RGL1: variants seen among roughly 807,000 people sequenced by gnomAD.
RGL1 encodes the protein ral guanine nucleotide dissociation stimulator like 1.
In RGL1, 24 loss-of-function variants were observed where a neutral mutation model predicts 95.2. That is an observed-to-expected ratio of 0.25 (90% CI 0.18 to 0.35). RGL1 has a LOEUF of 0.35. Ranked by LOEUF, RGL1 falls within the 10% of genes least tolerant of loss-of-function variation. The pLI is 1.00. For missense variants in RGL1, 715 were observed against 936.3 expected (o/e 0.76, Z 3.08); for synonymous variants, 329 against 344.9 (o/e 0.95, Z 0.51).
intron 1 of RGL1, among the ~76,000 whole-genome samples, chr1:183,735,381 T>C (rs1656877042): frequency 6.6e-6 from 1 of 152,222 alleles, no homozygotes. Context: ...CTTAATTCCT[T>C]CTTCCAGTAC....
intron 1 of RGL1, among the ~76,000 whole-genome samples, chr1:183,642,496 T>TA (rs1437134923): frequency 2.0e-5 from 3 of 152,252 alleles, no homozygotes; most frequent in Non-Finnish European, 4.4e-5. Flanking sequence ...TTATAATACT[T>TA]ACTTTTTTCT....
intron 1 of RGL1, among the ~76,000 whole-genome samples, chr1:183,674,723 T>G (rs1404700763): frequency 1.3e-5 from 2 of 152,156 alleles, no homozygotes; most frequent in Non-Finnish European, 2.9e-5. Context: ...GAGGCAAGAG[T>G]GCATTATGTA....
intron 2 of RGL1, among the ~76,000 whole-genome samples, chr1:183,750,232 A>G (rs931500599): frequency 6.6e-6 from 1 of 152,120 alleles, no homozygotes; most frequent in Non-Finnish European, 1.5e-5. Context: ...ACATAGTTCC[A>G]TATTCTTTGG....
chr1:183,833,129 T>G (rs115736217), intron 2 of RGL1, among the ~76,000 whole-genome samples: 2,291 of 152,284 alleles, frequency 0.015, 44 homozygotes, highest in African/African-American at 0.051. Flanking sequence ...ATACCTTAGT[T>G]TAATATATAG....
chr1:183,902,970 A>G lies in RGL1; in HGVS notation c.1350+370A>G, dbSNP rs925576773. Reference sequence around the variant, plus strand: ...CAATAGCAGGCTTGCCACTTAATTAATAACAATGTATTTTATACTTGAAGA... The same window carrying G: ...CAATAGCAGGCTTGCCACTTAATTAGTAACAATGTATTTTATACTTGAAGA... On this transcript the variant is annotated intron_variant, in intron 12 of 17. Coordinates refer to ENST00000360851, the MANE Select transcript of RGL1 (RefSeq NM_001297671.3). Among the ~76,000 whole-genome samples, 5 of 152,186 alleles carry G rather than the reference A, an allele frequency of 3.3e-5. No individual in the cohort carries two copies. In the East Asian group the frequency reaches 9.6e-4, roughly 29 times the overall value.
rs1236786061 is a variant in RGL1 at position 183,928,413 on chromosome 1, G to A, written c.*2121G>A. 3.3e-5 allele frequency: 5 copies of A among 152,548 alleles called. No individual in the cohort carries two copies. The East Asian group carries it at 5.8e-4, about 18-fold the overall frequency. The allele number at this position is 152,548 out of a possible 1,614,324, so 9.4% of individuals were successfully genotyped here. ...AATTTGTTTCCTGGTGGACAGCCGG[G>A]TAATGCTTTTAGCTGCTCGCATGCT... On this transcript the variant is annotated 3_prime_UTR_variant, in exon 18 of 18. Transcript: ENST00000360851.
intron 2 of RGL1, among the ~76,000 whole-genome samples, chr1:183,778,277 G>A (rs1659704271): frequency 6.6e-6 from 1 of 152,142 alleles, no homozygotes; most frequent in Non-Finnish European, 1.5e-5. Flanking sequence ...TATTGGCAGC[G>A]CTTGTGTTTA....
At chr1:183,749,534 T>C (rs533942010) in intron 2 of RGL1, among the ~76,000 whole-genome samples, 45 of 152,364 alleles carry the variant, frequency 3.0e-4, no homozygotes, top group Non-Finnish European at 4.8e-4. Context: ...TCTGTGTCTT[T>C]TAATTGGGGC....
rs976970828 is a variant in RGL1, at chr1:183,659,087, T to A, written c.-33+22586T>A. Among the ~76,000 whole-genome samples, 69 of 151,746 alleles carry A rather than the reference T, an allele frequency of 4.5e-4. 1 individual carries two copies. The highest frequency in any genetic ancestry group is 7.9e-4 in the Admixed American group (12 of 15,262). On this transcript the variant is annotated intron_variant, in intron 1 of 18. Coordinates refer to the RGL1 transcript ENST00000304685. The stretch of plus-strand genomic sequence containing the variant: ...ACCATCATCAAAGACCAAAAGTAGA[T>A]AAAACCACAAAGATGGGGAAAAAAC...
intron 2 of RGL1, among the ~76,000 whole-genome samples, chr1:183,775,140 G>A (rs1466990696): frequency 6.6e-6 from 1 of 152,120 alleles, no homozygotes; most frequent in Non-Finnish European, 1.5e-5. Context: ...CCCGATTAAA[G>A]CCTTCTTCCT....
rs533681426 is a variant in RGL1, at chr1:183,733,229, A to G, written c.-32-8897A>G. Among the ~76,000 whole-genome samples the G allele has an allele frequency of 9.2e-5, 14 of 152,268 alleles. No homozygotes were observed. The South Asian group carries it at 2.3e-3, about 25-fold the overall frequency. ...TCTTCTTGAGTATACATGGATCGTG[A>G]CCAACACAACAGTTTTTACTGAATT... On this transcript the variant is annotated intron_variant, in intron 1 of 18. Coordinates refer to the RGL1 transcript ENST00000304685.
intron 1 of RGL1, among the ~76,000 whole-genome samples, chr1:183,666,747 C>T (rs568764239): frequency 2.2e-4 from 34 of 152,202 alleles, no homozygotes; most frequent in Admixed American, 6.5e-5. Flanking sequence ...TCATTTACAT[C>T]TGTGAAGGTA....
chr1:183,835,633 A>G (rs2102500367), intron 2 of RGL1, among the ~76,000 whole-genome samples: 1 of 152,282 alleles, frequency 6.6e-6, no homozygotes, highest in Middle Eastern at 3.4e-3. Flanking sequence ...CTAAGACGTT[A>G]TTTTTTGTCT....
At chr1:183,702,739 A>G (rs1292418830) in intron 1 of RGL1, among the ~76,000 whole-genome samples, 1 of 152,186 alleles carries the variant, frequency 6.6e-6, no homozygotes, top group Admixed American at 6.5e-5. Context: ...AGGGGATTGG[A>G]GCATGGATAA....
At chr1:183,708,034 G>A (rs1655026157) in intron 1 of RGL1, among the ~76,000 whole-genome samples, 1 of 152,188 alleles carries the variant, frequency 6.6e-6, no homozygotes, top group South Asian at 2.1e-4. Context: ...GGCAATAATT[G>A]CTTAAATTAG....
intron 3 of RGL1, among the ~76,000 whole-genome samples, chr1:183,852,244 T>C (rs149486439): frequency 1.4e-3 from 206 of 152,348 alleles, no homozygotes; most frequent in African/African-American, 4.9e-3. Flanking sequence ...ATTTTTTATC[T>C]TTTGACAGTT....
At chr1:183,827,712 C>T (rs935000385) in intron 2 of RGL1, among the ~76,000 whole-genome samples, 24 of 152,172 alleles carry the variant, frequency 1.6e-4, no homozygotes, top group African/African-American at 5.8e-4. Context: ...ACATTTTTTT[C>T]TTATTCCCTC....
In RGL1 at chr1:183,797,816, A is replaced by G. The variant is rs574684288; in HGVS notation, c.133-8559A>G. Among the ~76,000 whole-genome samples, 20 of 152,370 alleles carry G rather than the reference A, an allele frequency of 1.3e-4. No homozygotes were observed. In the South Asian group the frequency reaches 4.1e-3, roughly 32 times the overall value. On this transcript the variant is annotated intron_variant, in intron 2 of 18. Coordinates refer to the RGL1 transcript ENST00000304685. ...ACTGATAGTGGAAAGCTGAAGATGG[A>G]AAGTTGATTGGTAAGCAACACAGGC...
At chr1:183,644,050 C>T (rs1421583879) in intron 1 of RGL1, among the ~76,000 whole-genome samples, 1 of 152,122 alleles carries the variant, frequency 6.6e-6, no homozygotes, top group Non-Finnish European at 1.5e-5. Context: ...ACCTGGCTTC[C>T]ATAGTTTAGA....
Sources: allele counts gnomAD v4.1 joint callset (sites outside exome capture counted in the v4.1 genomes callset), GRCh38; gene constraint gnomAD v4.1.1; transcripts MANE v1.5; gene names NCBI Gene and HGNC (gene_info 2026-07-23, HGNC 2026-07-21).